STXBP6: variants seen among roughly 807,000 people sequenced by gnomAD.
The protein encoded by STXBP6 is syntaxin-binding protein 6.
A neutral mutation model predicts 26.9 loss-of-function variants in STXBP6; 21 were observed. That is an observed-to-expected ratio of 0.78 (90% CI 0.55 to 1.12). The LOEUF (loss-of-function observed/expected upper bound fraction) is 1.12, where lower values mean the gene tolerates loss of function less well. Among genes scored for constraint, STXBP6 ranks in the 50% most tolerant of loss-of-function variants. STXBP6 has a pLI of 0.00. For missense variants in STXBP6, 232 were observed against 257.9 expected (o/e 0.90, Z 0.69); for synonymous variants, 97 against 92.6 (o/e 1.05, Z -0.27).
At chr14:24,858,885 A>G (rs567692868) in intron 2 of STXBP6, among the ~76,000 whole-genome samples, 1 of 152,130 alleles carries the variant, frequency 6.6e-6, no homozygotes, top group Non-Finnish European at 1.5e-5. Flanking sequence ...TTAGACACAC[A>G]CCCCTAAATG....
intron 1 of STXBP6, among the ~76,000 whole-genome samples, chr14:24,979,032 T>G (rs569693878): frequency 6.6e-6 from 1 of 152,330 alleles, no homozygotes; most frequent in South Asian, 2.1e-4. Context: ...AAGGCATTCA[T>G]TATCATGCAG....
intron 2 of STXBP6, among the ~76,000 whole-genome samples, chr14:24,869,221 C>T (rs570008147): frequency 6.6e-6 from 1 of 152,208 alleles, no homozygotes; most frequent in Admixed American, 6.5e-5. Context: ...GGCTATCTCT[C>T]TTTTTTTAAA....
intron 1 of STXBP6, among the ~76,000 whole-genome samples, chr14:24,985,543 G>A (rs900313126): frequency 6.6e-6 from 1 of 152,200 alleles, no homozygotes; most frequent in African/African-American, 2.4e-5. Flanking sequence ...GACCCTCCCT[G>A]TTACCTTCCT....
At chr14:24,962,287 TTTTATTTA>T (rs72330952) in intron 2 of STXBP6, among the ~76,000 whole-genome samples, 27,059 of 140,052 alleles carry the variant, frequency 0.19, 2,830 homozygotes, top group Middle Eastern at 0.36. Flanking sequence ...GTACAAGATA[TTTTATTTA>T]TTTATTTATT....
chr14:25,039,769 C>T (rs955819531), intron 1 of STXBP6, among the ~76,000 whole-genome samples: 3 of 151,076 alleles, frequency 2.0e-5, no homozygotes, highest in African/African-American at 4.9e-5. Context: ...TGCAGTGGCG[C>T]GATGTCAGTT....
intron 2 of STXBP6, among the ~76,000 whole-genome samples, chr14:24,873,359 A>G (rs1478867215): frequency 6.6e-6 from 1 of 152,188 alleles, no homozygotes; most frequent in Non-Finnish European, 1.5e-5. Context: ...AAGCCAGAAG[A>G]GCCAGGACAG....
Position 25,025,138 on chromosome 14 carries a change from A to G in STXBP6, c.-33+24740T>C, listed in dbSNP as rs58249343. 7.1e-3 allele frequency among the ~76,000 whole-genome samples: 1,087 copies of G among 152,346 alleles called. 13 individuals carry two copies. Among genetic ancestry groups the G allele is most frequent in the African/African-American group, 0.025 (1,023 of 41,582 alleles). On this transcript the variant is annotated intron_variant, in intron 1 of 5. Transcript: ENST00000323944. ...AGAAATTTTGGTGTGTGGGATTTGA[A>G]TAAGACAGATAGGCTTAACTCATGA...
intron 2 of STXBP6, among the ~76,000 whole-genome samples, chr14:24,939,920 G>A (rs2072743401): frequency 6.6e-6 from 1 of 152,126 alleles, no homozygotes; most frequent in Non-Finnish European, 1.5e-5. Flanking sequence ...GTACTGGACA[G>A]CACTTTACAG....
At chr14:24,920,151 G>C (rs1170948536) in intron 2 of STXBP6, among the ~76,000 whole-genome samples, 1 of 152,008 alleles carries the variant, frequency 6.6e-6, no homozygotes, top group Admixed American at 6.6e-5. Flanking sequence ...AAACTCACCA[G>C]TGTACTTGCT....
At chr14:24,869,483 T>TA (rs1555316093) in intron 2 of STXBP6, among the ~76,000 whole-genome samples, 1 of 152,178 alleles carries the variant, frequency 6.6e-6, no homozygotes, top group Non-Finnish European at 1.5e-5. Context: ...GAAAAATCCC[T>TA]GGGGGGTCTT....
intron 2 of STXBP6, among the ~76,000 whole-genome samples, chr14:24,950,119 A>G (rs2073113545): frequency 6.6e-6 from 1 of 152,122 alleles, no homozygotes; most frequent in African/African-American, 2.4e-5. Context: ...GCTTTCTTAT[A>G]CCTGTCAAAT....
chr14:24,836,028 G>A (rs1267819746), intron 4 of STXBP6, among the ~76,000 whole-genome samples: 1 of 152,190 alleles, frequency 6.6e-6, no homozygotes, highest in African/African-American at 2.4e-5. Flanking sequence ...GGAGAAGCAG[G>A]GCAGTAGCTC....
At chr14:25,014,876 T>G (rs752614502) in intron 1 of STXBP6, among the ~76,000 whole-genome samples, 6 of 152,346 alleles carry the variant, frequency 3.9e-5, no homozygotes, top group Non-Finnish European at 8.8e-5. Context: ...ATAGGGAATA[T>G]GAGAATTTGA....
At chr14:24,964,778 C>T (rs2073679201) in intron 2 of STXBP6, among the ~76,000 whole-genome samples, 1 of 152,072 alleles carries the variant, frequency 6.6e-6, no homozygotes, top group Admixed American at 6.6e-5. Context: ...GCCTCTCCCA[C>T]TTCTGATGTT....
intron 1 of STXBP6, among the ~76,000 whole-genome samples, chr14:25,007,930 C>T (rs764653692): frequency 3.3e-5 from 5 of 152,180 alleles, no homozygotes; most frequent in Non-Finnish European, 7.3e-5. Context: ...ATCTCCAGGA[C>T]TGGACACGCT....
At chr14:24,852,768 G>C (rs2069196995) in intron 4 of STXBP6, among the ~76,000 whole-genome samples, 2 of 152,068 alleles carry the variant, frequency 1.3e-5, no homozygotes, top group South Asian at 4.1e-4. Context: ...CAGGAATGTA[G>C]TGGCTAAAAT....
At chr14:24,935,421 C>G (rs1418530452) in intron 2 of STXBP6, among the ~76,000 whole-genome samples, 2 of 152,050 alleles carry the variant, frequency 1.3e-5, no homozygotes. Flanking sequence ...CGTCCCCTGA[C>G]CAAATAAATC....
intron 1 of STXBP6, among the ~76,000 whole-genome samples, chr14:24,992,655 G>A (rs892011950): frequency 1.8e-4 from 28 of 152,084 alleles, no homozygotes; most frequent in East Asian, 1.9e-4. Context: ...ACAAGTGGCC[G>A]ACCCACAAGC....
chr14:25,033,502 T>A (rs888570780), intron 1 of STXBP6, among the ~76,000 whole-genome samples: 4 of 152,322 alleles, frequency 2.6e-5, no homozygotes, highest in South Asian at 2.1e-4. Flanking sequence ...GAGAAAATAC[T>A]TTCTCATACC....
Sources: gnomAD v4.1 joint callset for allele counts (sites outside exome capture counted in the v4.1 genomes callset) on GRCh38, gnomAD v4.1.1 for gene constraint, MANE v1.5 for transcripts, NCBI Gene and HGNC (gene_info 2026-07-23, HGNC 2026-07-21) for gene names.